CDYL: variants seen among roughly 807,000 people sequenced by gnomAD.
CDYL encodes the protein chromodomain Y like.
CDYL carries 8 observed loss-of-function variants against 47.3 expected under a neutral mutation model. That is an observed-to-expected ratio of 0.17 (90% CI 0.10 to 0.31). The LOEUF (loss-of-function observed/expected upper bound fraction) is 0.31. CDYL is among the 10% of genes least tolerant of loss of function. The probability of loss-of-function intolerance (pLI) is 1.00; values close to 1 mark genes in which losing one functional copy is unlikely to be tolerated. For missense variants in CDYL, 471 were observed against 701.4 expected, an observed-to-expected ratio of 0.67 and a Z score of 3.71; for synonymous variants, 266 against 265.0, an observed-to-expected ratio of 1.00 and a Z score of -0.04.
At chr6:4,900,617 G>C (rs1756999557) in intron 2 of CDYL, among the ~76,000 whole-genome samples, 1 of 151,534 alleles carries the variant, frequency 6.6e-6, no homozygotes, top group African/African-American at 2.4e-5. Flanking sequence ...AAAAGATTGT[G>C]AGTACATATT....
chr6:4,873,518 G>A (rs188231397), intron 1 of CDYL, among the ~76,000 whole-genome samples: 328 of 152,148 alleles, frequency 2.2e-3, no homozygotes, highest in African/African-American at 7.6e-3. Context: ...GGAAAAATTG[G>A]GATAATGATG....
chr6:4,735,035 C>T (rs1757676958), intron 3 of CDYL, among the ~76,000 whole-genome samples: 1 of 152,122 alleles, frequency 6.6e-6, no homozygotes, highest in African/African-American at 2.4e-5. Flanking sequence ...GCCTGTAATC[C>T]CAGCACTTTG....
At chr6:4,789,558 C>T (rs1758862067) in intron 1 of CDYL, among the ~76,000 whole-genome samples, 1 of 152,168 alleles carries the variant, frequency 6.6e-6, no homozygotes, top group African/African-American at 2.4e-5. Flanking sequence ...ACTTAAATGG[C>T]TGCTACCCAG....
chr6:4,831,238 C>T (rs1760135001), intron 1 of CDYL, among the ~76,000 whole-genome samples: 1 of 152,154 alleles, frequency 6.6e-6, no homozygotes, highest in Non-Finnish European at 1.5e-5. Flanking sequence ...TTTAATCCAT[C>T]TTGAATTGAT....
intron 1 of CDYL, among the ~76,000 whole-genome samples, chr6:4,793,715 G>A (rs1758992623): frequency 6.6e-6 from 1 of 152,156 alleles, no homozygotes; most frequent in Admixed American, 6.5e-5. Flanking sequence ...AAACCCAGGT[G>A]GTGACATTGG....
chr6:4,858,280 A>C (rs574156315), intron 1 of CDYL, among the ~76,000 whole-genome samples: 1 of 152,230 alleles, frequency 6.6e-6, no homozygotes, highest in African/African-American at 2.4e-5. Context: ...AACTCGGAAA[A>C]ATCTAAGACT....
At chr6:4,771,903 C>A (rs1443555731), upstream of CDYL, among the ~76,000 whole-genome samples, 1 of 152,190 alleles carries the variant, frequency 6.6e-6, no homozygotes, top group Non-Finnish European at 1.5e-5. Flanking sequence ...TATGGGAATA[C>A]CTGTGCCTAT....
intron 1 of CDYL, among the ~76,000 whole-genome samples, chr6:4,713,380 C>T (rs763557848): frequency 6.6e-6 from 1 of 151,966 alleles, no homozygotes; most frequent in African/African-American, 2.4e-5. Context: ...CCGCAGGCTA[C>T]GTGGGAAATT....
rs1222104519 is a variant in CDYL at position 4,736,054 on chromosome 6, C to G, written c.186+1210C>G. On this transcript the variant is annotated intron_variant, in intron 3 of 8. Transcript: ENST00000328908. ...GGAAATGTTGTACCCTTTGACCAAG[C>G]CCTCCTGTTTCCCACTCCCCCAGCC... Among the ~76,000 whole-genome samples, 4 of 152,230 alleles carry G rather than the reference C, an allele frequency of 2.6e-5. No individual in the cohort carries two copies. The East Asian group carries it at 7.7e-4, about 29-fold the overall frequency.
At chr6:4,914,635 C>A (rs375166940) in intron 2 of CDYL, among the ~76,000 whole-genome samples, 1 of 152,174 alleles carries the variant, frequency 6.6e-6, no homozygotes, top group African/African-American at 2.4e-5. Flanking sequence ...CAGCTGTAAC[C>A]AGCGTTTTAG....
At chr6:4,809,907 G>A (rs928455411) in intron 1 of CDYL, among the ~76,000 whole-genome samples, 4 of 145,180 alleles carry the variant, frequency 2.8e-5, no homozygotes, top group Non-Finnish European at 6.0e-5. Context: ...AGTCCTTGGC[G>A]ATACTTTGTA....
intron 1 of CDYL, among the ~76,000 whole-genome samples, chr6:4,812,825 G>C (rs1437284831): frequency 2.0e-5 from 3 of 151,868 alleles, no homozygotes; most frequent in Admixed American, 6.6e-5. Flanking sequence ...CTCTGAACAT[G>C]GTATTTCTCC....
chr6:4,763,868 G>A (rs970726200), intron 3 of CDYL, among the ~76,000 whole-genome samples: 7 of 152,066 alleles, frequency 4.6e-5, no homozygotes, highest in Non-Finnish European at 7.4e-5. Context: ...ACTTGAACCC[G>A]GGAGGCAGAG....
chr6:4,845,797 C>T (rs1357835537), intron 1 of CDYL, among the ~76,000 whole-genome samples: 5 of 152,104 alleles, frequency 3.3e-5, no homozygotes, highest in African/African-American at 4.8e-5. Flanking sequence ...CCGCTGAAAA[C>T]GTAAAAACCA....
intron 2 of CDYL, among the ~76,000 whole-genome samples, chr6:4,923,668 A>G (rs559202402): frequency 1.6e-4 from 25 of 152,248 alleles, no homozygotes; most frequent in African/African-American, 5.3e-4. Flanking sequence ...GTACTAATTT[A>G]CATTCCTACT....
At chr6:4,904,253 G>T (rs573067045) in intron 2 of CDYL, among the ~76,000 whole-genome samples, 8 of 152,160 alleles carry the variant, frequency 5.3e-5, no homozygotes, top group Non-Finnish European at 8.8e-5. Context: ...TGATGACACC[G>T]AATGAATGAG....
intron 2 of CDYL, among the ~76,000 whole-genome samples, chr6:4,716,173 G>A (rs376943332): frequency 3.3e-5 from 5 of 151,720 alleles, no homozygotes; most frequent in South Asian, 2.1e-4. Context: ...GCGTGAACCC[G>A]GGAGGCGGAG....
intron 2 of CDYL, among the ~76,000 whole-genome samples, chr6:4,932,839 C>T (rs1758071170): frequency 6.6e-6 from 1 of 152,176 alleles, no homozygotes; most frequent in African/African-American, 2.4e-5. Context: ...TGTCATCTCA[C>T]CTGCACTTTT....
At chr6:4,774,606 T>C (rs185040003), upstream of CDYL, 7 of 152,352 alleles carry the variant, frequency 4.6e-5, no homozygotes, top group Admixed American at 3.9e-4. Flanking sequence ...GTGTAGGTAT[T>C]GGGCTTTCTC....
Sources: gnomAD v4.1 joint callset for allele counts (sites outside exome capture counted in the v4.1 genomes callset) on GRCh38, gnomAD v4.1.1 for gene constraint, MANE v1.5 for transcripts, NCBI Gene and HGNC (gene_info 2026-07-23, HGNC 2026-07-21) for gene names.